Variants in CNNM4 observed in about 807,000 individuals in gnomAD.
The protein encoded by CNNM4 is cyclin and CBS domain divalent metal cation transport mediator 4.
Under a neutral mutation model 53.7 loss-of-function variants are expected in CNNM4, and 32 were observed. The observed-to-expected ratio is 0.60, with a 90% CI of 0.45 to 0.80. The LOEUF (loss-of-function observed/expected upper bound fraction) is 0.80. Among genes scored for constraint, CNNM4 ranks in the 30% least tolerant of loss-of-function variants. CNNM4 has a pLI of 0.00. For synonymous variants in CNNM4, 410 were observed against 440.0 expected (o/e 0.93, Z 0.85); for missense variants, 784 against 1,022.0 (o/e 0.77, Z 3.17).
In CNNM4 at chr2:96,761,582, C is replaced by T. The variant is rs778531631; in HGVS notation, c.583C>T (p.Leu195=). ...TCTCCTAATTACGGTGCTGCTGGTG[C>T]TGTCGGGCATATTTTCTGGCCTCAA... ...HILLITVLLV[L]SGIFSGLNLG... Residue 195 remains leucine, a synonymous_variant, in exon 1 of 7, where the codon CTG becomes TTG. Transcript: ENST00000377075. The surrounding 1 kb of genome is among the most constrained non-coding windows in gnomAD (Gnocchi z 6.0). 2.9e-5 allele frequency: 47 copies of T among 1,614,070 alleles called. No individual in the cohort carries two copies. In the East Asian group the frequency reaches 7.6e-4, roughly 26 times the overall value.
chr2:96,774,653 TGAG>T lies in CNNM4; in HGVS notation c.1402+12253_1402+12255del, dbSNP rs2153345613. Among the ~76,000 whole-genome samples, 3 of 152,004 alleles carry T rather than the reference TGAG, an allele frequency of 2.0e-5. No individual in the cohort carries two copies. The South Asian group carries it at 6.2e-4, about 32-fold the overall frequency. On this transcript the variant is annotated intron_variant, in intron 1 of 6. Coordinates refer to ENST00000377075, the MANE Select transcript of CNNM4 (RefSeq NM_020184.4). The stretch of plus-strand genomic sequence containing the variant: ...AGCACTATGCAGTGTCTCCTTGCAG[TGAG>T]ATTGTAGCTGTTAAGAAAGAGAGCA...
At position 96,761,621 on chromosome 2, in the gene CNNM4, G is replaced by T. The variant is rs2078764198; in HGVS notation, c.622G>T (p.Ala208Ser). The stretch of plus-strand genomic sequence containing the variant: ...TTCTGGCCTCAACCTCGGGCTTATG[G>T]CCCTGGACCCCATGGAGCTGCGCAT... ...IFSGLNLGLMALDPMELRIVQ... is the reference protein window; with the variant it reads ...IFSGLNLGLMSLDPMELRIVQ... The change falls in exon 1 of 7, where the codon GCC becomes TCC. Residue 208 changes from alanine (A) to serine (S), a missense_variant. Ala to Ser is a moderately conservative substitution (Grantham distance 99). Coordinates refer to ENST00000377075, the MANE Select transcript of CNNM4 (RefSeq NM_020184.4). The surrounding 1 kb of genome is among the most constrained non-coding windows in gnomAD (Gnocchi z 6.0). 6.2e-7 allele frequency: 1 copy of T among 1,613,908 alleles called. No homozygotes were observed. Among genetic ancestry groups the T allele is most frequent in the East Asian group, 2.2e-5 (1 of 44,872 alleles).
intron 1 of CNNM4, among the ~76,000 whole-genome samples, chr2:96,763,654 G>A (rs1261918566): frequency 6.6e-6 from 1 of 152,198 alleles, no homozygotes; most frequent in East Asian, 1.9e-4. Flanking sequence ...CAGCTTTGGA[G>A]TGGGATAGGG....
chr2:96,761,172 G>C lies in CNNM4; in HGVS notation c.173G>C (p.Cys58Ser). Residue 58 changes from cysteine (C) to serine (S), a missense_variant, in exon 1 of 7, where the codon TGT (cysteine) becomes TCT (serine). Cys to Ser is a moderately radical substitution (Grantham distance 112, BLOSUM62 -1). This residue lies in a region of CNNM4 where 473 missense variants were observed against 624.6 expected (regional missense o/e 0.76). Transcript: ENST00000377075. This position sits in a 1 kb window ranked among gnomAD's most constrained non-coding sequence, Gnocchi z 6.0. ...AGGCTGGCGAGCTGCAACAAGTCGTGTGGGACGAACCCGGATGGCATCATC... is the reference window on the plus strand; with the variant it reads ...AGGCTGGCGAGCTGCAACAAGTCGTCTGGGACGAACCCGGATGGCATCATC... ...GMRLASCNKS[C>S]GTNPDGIIFV... The C allele has an allele frequency of 6.2e-7, 1 of 1,612,688 alleles. No homozygotes were observed. Among genetic ancestry groups the C allele is most frequent in the Non-Finnish European group, 8.5e-7 (1 of 1,178,934 alleles).
intron 1 of CNNM4, among the ~76,000 whole-genome samples, chr2:96,764,770 G>A (rs1480315130): frequency 6.6e-6 from 1 of 152,054 alleles, no homozygotes; most frequent in Non-Finnish European, 1.5e-5. Context: ...GACAGATCAC[G>A]AGGTCAGGAG....
chr2:96,792,801 T>G (rs1482434933), intron 1 of CNNM4, among the ~76,000 whole-genome samples: 1 of 149,812 alleles, frequency 6.7e-6, no homozygotes, highest in Non-Finnish European at 1.5e-5. Flanking sequence ...AGACTACATC[T>G]CAAAAAAAAA....
chr2:96,799,234 C>A lies in CNNM4; in HGVS notation c.1851+8C>A. Reference sequence around the variant, plus strand: ...TTCATCCTCATCCTGCAGGTGAGCCCGCTCAGCCCTGGGCCTGCCACCTGC... The same window carrying A: ...TTCATCCTCATCCTGCAGGTGAGCCAGCTCAGCCCTGGGCCTGCCACCTGC... On this transcript the variant is annotated splice_region_variant and intron_variant, in intron 4 of 6. Transcript: ENST00000377075. The A allele has an allele frequency of 1.2e-6, 2 of 1,614,152 alleles. No individual in the cohort carries two copies. Among genetic ancestry groups the A allele is most frequent in the Non-Finnish European group, 1.7e-6 (2 of 1,180,004 alleles).
At chr2:96,763,140 A>T (rs1054254993) in intron 1 of CNNM4, among the ~76,000 whole-genome samples, 2 of 152,180 alleles carry the variant, frequency 1.3e-5, no homozygotes, top group Non-Finnish European at 2.9e-5. Context: ...AGAAGCAAGC[A>T]GATTAAGTTT....
Position 96,799,119 on chromosome 2 carries a change from C to G in CNNM4, c.1744C>G (p.Pro582Ala). ...EKILLRLLKY[P>A]DVIQELKFDE... ...GATCCTGCTGCGGCTACTCAAGTAC[C>G]CAGATGTCATTCAGGAACTCAAGTT... Residue 582 changes from proline to alanine, a missense_variant, in exon 4 of 7, where the codon CCA (proline) becomes GCA (alanine). Coordinates refer to ENST00000377075, the MANE Select transcript of CNNM4 (RefSeq NM_020184.4). 6.2e-7 allele frequency: 1 copy of G among 1,614,124 alleles called. No individual in the cohort carries two copies. Among genetic ancestry groups the G allele is most frequent in the South Asian group, 1.1e-5 (1 of 91,076 alleles).
chr2:96,765,149 G>T lies in CNNM4; in HGVS notation c.1402+2748G>T, dbSNP rs1210970979. Among the ~76,000 whole-genome samples the T allele has an allele frequency of 4.3e-5, 6 of 141,144 alleles. No individual in the cohort carries two copies. In the East Asian group the frequency reaches 1.3e-3, roughly 30 times the overall value. 92.6% of individuals were successfully genotyped at this position (141,144 alleles called of 152,430 possible). Reference sequence around the variant, plus strand: ...TGTTGTTGTTTTTTTTTTTTGAGACGGAGTTTTGCTCTTGTTGTCCAGGCT... The same window carrying T: ...TGTTGTTGTTTTTTTTTTTTGAGACTGAGTTTTGCTCTTGTTGTCCAGGCT... On this transcript the variant is annotated intron_variant, in intron 1 of 6. Transcript: ENST00000377075.
In CNNM4 at chr2:96,797,691, C is replaced by G; in HGVS notation, c.1681+44C>G. The G allele has an allele frequency of 1.2e-6, 2 of 1,610,250 alleles. No homozygotes were observed. Among genetic ancestry groups the G allele is most frequent in the Non-Finnish European group, 1.7e-6 (2 of 1,179,686 alleles). On this transcript the variant is annotated intron_variant, in intron 3 of 6. Coordinates refer to ENST00000377075, the MANE Select transcript of CNNM4 (RefSeq NM_020184.4). This position sits in a 1 kb window ranked among gnomAD's most constrained non-coding sequence, Gnocchi z 6.0. ...TCCGGTCTTGGTGGAAATACGGTCA[C>G]GGGGGAGAAGTCCTGGGTTTCCGGC...
intron 5 of CNNM4, among the ~76,000 whole-genome samples, 198 bp downstream of exon 5, chr2:96,799,846 G>T (rs2079143209): frequency 6.6e-6 from 1 of 152,238 alleles, no homozygotes; most frequent in South Asian, 2.1e-4. Context: ...TTTGGATGGG[G>T]TCCAGAAGCT....
intron 1 of CNNM4, among the ~76,000 whole-genome samples, chr2:96,763,963 A>C (rs936839339): frequency 6.6e-6 from 1 of 152,110 alleles, no homozygotes; most frequent in Non-Finnish European, 1.5e-5. Context: ...ACAGAAAAGC[A>C]GTGAGGATCT....
chr2:96,794,108 G>C (rs1262470012), intron 1 of CNNM4, among the ~76,000 whole-genome samples: 1 of 152,130 alleles, frequency 6.6e-6, no homozygotes, highest in East Asian at 1.9e-4. Flanking sequence ...TTGGGGGTCT[G>C]AACAAGGTTC....
intron 3 of CNNM4, among the ~76,000 whole-genome samples, chr2:96,798,047 T>G (rs1460067714): frequency 6.6e-6 from 1 of 151,900 alleles, no homozygotes; most frequent in East Asian, 1.9e-4. Flanking sequence ...AAGCCAGGCA[T>G]GGTGGTGCCC....
At chr2:96,765,971 A>T (rs1305959759) in intron 1 of CNNM4, among the ~76,000 whole-genome samples, 2 of 150,524 alleles carry the variant, frequency 1.3e-5, no homozygotes, top group African/African-American at 4.9e-5. Context: ...TTTAGTAGAG[A>T]TGGGGTTTCA....
chr2:96,765,563 C>T (rs1307479599), intron 1 of CNNM4, among the ~76,000 whole-genome samples: 1 of 152,146 alleles, frequency 6.6e-6, no homozygotes, highest in Non-Finnish European at 1.5e-5. Context: ...TTGCCAGAGT[C>T]CTTCTGCCCC....
intron 1 of CNNM4, among the ~76,000 whole-genome samples, chr2:96,764,094 T>C (rs184543156): frequency 6.6e-6 from 1 of 152,158 alleles, no homozygotes; most frequent in Admixed American, 6.5e-5. Flanking sequence ...TTTGGGACTA[T>C]GGTTTGTGAC....
At chr2:96,764,477 TC>T (rs1236746505) in intron 1 of CNNM4, among the ~76,000 whole-genome samples, 2 of 151,174 alleles carry the variant, frequency 1.3e-5, no homozygotes, top group African/African-American at 4.9e-5. Context: ...ATGGTGATAG[TC>T]CCCCCTCTCT....
Sources: gnomAD v4.1 joint callset for allele counts (sites outside exome capture counted in the v4.1 genomes callset) on GRCh38, gnomAD v4.1.1 for gene constraint, gnomAD v4.1.1 regional missense constraint, Gnocchi (gnomAD v3.1) non-coding constraint, MANE v1.5 for transcripts, NCBI Gene and HGNC (gene_info 2026-07-23, HGNC 2026-07-21) for gene names.